Variants in GLIS3 observed in about 807,000 individuals in gnomAD.
The protein encoded by GLIS3 is zinc finger protein GLIS3.
A neutral mutation model predicts 78.6 loss-of-function variants in GLIS3; 53 were observed. That is an observed-to-expected ratio of 0.67 (90% CI 0.54 to 0.85). GLIS3 has a LOEUF of 0.85. GLIS3 is among the 40% of genes least tolerant of loss of function. The pLI is 0.00. For missense variants in GLIS3, 1,703 were observed against 1,231.1 expected (o/e 1.38, Z -5.74); for synonymous variants, 684 against 509.9 (o/e 1.34, Z -4.60).
chr9:4,181,602 A>G (rs1435058936), intron 2 of GLIS3, among the ~76,000 whole-genome samples: 1 of 152,244 alleles, frequency 6.6e-6, no homozygotes, highest in East Asian at 1.9e-4. Flanking sequence ...AGTACTGTAC[A>G]GTCTGCCATG....
rs923941467 is a variant in GLIS3, at chr9:4,119,429, T to A, written c.597-548A>T. Reference sequence around the variant, plus strand: ...CAGGGGACTTAATAATTTCACAATTTAGTTTCACTGATATTAAGGAATTAC... The same window carrying A: ...CAGGGGACTTAATAATTTCACAATTAAGTTTCACTGATATTAAGGAATTAC... On this transcript the variant is annotated intron_variant, in intron 3 of 10. Transcript: ENST00000381971. Among the ~76,000 whole-genome samples the A allele has an allele frequency of 2.0e-5, 3 of 152,228 alleles. No homozygotes were observed. In the East Asian group the frequency reaches 5.8e-4, roughly 29 times the overall value.
chr9:4,406,957 T>C, the GLIS3 span, among the ~76,000 whole-genome samples: 1 of 152,120 alleles, frequency 6.6e-6, no homozygotes, highest in Non-Finnish European at 1.5e-5. Flanking sequence ...AAAATTTATA[T>C]AGAATTACAA....
At chr9:4,457,511 G>T in the GLIS3 span, among the ~76,000 whole-genome samples, 1 of 151,930 alleles carries the variant, frequency 6.6e-6, no homozygotes, top group Non-Finnish European at 1.5e-5. Context: ...GGGTGGGTTT[G>T]GACACATACA....
chr9:4,470,469 T>C, the GLIS3 span, among the ~76,000 whole-genome samples: 4 of 152,224 alleles, frequency 2.6e-5, no homozygotes, highest in African/African-American at 7.2e-5. Flanking sequence ...TCAATAAATG[T>C]AATCCAGCAT....
rs1821110643 is a variant in GLIS3 at position 3,873,659 on chromosome 9, TA to T, written c.2297+5767del. Among the ~76,000 whole-genome samples, 3 of 151,084 alleles carry T rather than the reference TA, an allele frequency of 2.0e-5. No homozygotes were observed. In the South Asian group the frequency reaches 6.3e-4, roughly 32 times the overall value. Reference sequence around the variant, plus strand: ...CCCATAAATTTGCACAAAAATAAAATAAAGATAAAAAATAAAGAAAATAAAG... The same window carrying T: ...CCCATAAATTTGCACAAAAATAAAATAAGATAAAAAATAAAGAAAATAAAG... On this transcript the variant is annotated intron_variant, in intron 8 of 10. Transcript: ENST00000381971.
intron 4 of GLIS3, among the ~76,000 whole-genome samples, chr9:4,065,865 C>A (rs1339290201): frequency 1.3e-5 from 2 of 151,608 alleles, no homozygotes; most frequent in African/African-American, 4.9e-5. Context: ...TTAGAAAGGA[C>A]AAAGGAAATA....
chr9:4,136,475 C>A (rs1586774214), intron 2 of GLIS3, among the ~76,000 whole-genome samples: 1 of 152,302 alleles, frequency 6.6e-6, no homozygotes, highest in Middle Eastern at 3.4e-3. Context: ...TATCTCTTTA[C>A]TGTAAGTCTT....
chr9:3,854,295 C>T (rs934164591), intron 9 of GLIS3, among the ~76,000 whole-genome samples: 7 of 152,176 alleles, frequency 4.6e-5, no homozygotes, highest in African/African-American at 1.4e-4. Context: ...TGAATAAATA[C>T]ATAACTAAAG....
At chr9:4,079,470 G>A (rs4741887) in intron 4 of GLIS3, among the ~76,000 whole-genome samples, 82,277 of 151,944 alleles carry the variant, frequency 0.54, 22,851 homozygotes, top group East Asian at 0.67. Context: ...ACAAGTCTGG[G>A]GCAGTTCATC....
chr9:4,362,455 G>C, the GLIS3 span, among the ~76,000 whole-genome samples: 9 of 152,272 alleles, frequency 5.9e-5, no homozygotes, highest in Non-Finnish European at 1.2e-4. Context: ...TCCCTTTGTA[G>C]TTGATGACCA....
chr9:3,991,508 A>C (rs72685676), intron 4 of GLIS3, among the ~76,000 whole-genome samples: 16 of 152,046 alleles, frequency 1.1e-4, no homozygotes, highest in Non-Finnish European at 2.2e-4. Context: ...GAAAAATTAA[A>C]CACGTCTCGG....
Position 4,070,883 on chromosome 9 carries a change from A to T in GLIS3, c.1710+46885T>A, listed in dbSNP as rs1000852535. 6 of 152,208 alleles carry T rather than the reference A, an allele frequency of 3.9e-5. No individual in the cohort carries two copies. In the South Asian group the frequency reaches 1.2e-3, roughly 32 times the overall value. The allele number at this position is 152,208 out of a possible 1,614,324, so 9.4% of individuals were successfully genotyped here. A position where few individuals can be genotyped will look rare whatever the true frequency, so the allele number is the denominator to read the frequency against. On this transcript the variant is annotated intron_variant, in intron 4 of 10. Coordinates refer to ENST00000381971, the MANE Select transcript of GLIS3 (RefSeq NM_001042413.2). Reference sequence around the variant, plus strand: ...TAGGTAAGACAGAAAAGAGCTTCTCAACACAGTAGCAAAATTAAAGCACCC... The same window carrying T: ...TAGGTAAGACAGAAAAGAGCTTCTCTACACAGTAGCAAAATTAAAGCACCC...
intron 8 of GLIS3, among the ~76,000 whole-genome samples, chr9:3,860,461 T>C (rs150355212): frequency 3.6e-4 from 55 of 152,166 alleles, no homozygotes; most frequent in African/African-American, 1.3e-3. Flanking sequence ...CCTGTTATCA[T>C]TGAACTCCCC....
chr9:4,382,461 TCTC>T, the GLIS3 span, among the ~76,000 whole-genome samples: 3 of 152,190 alleles, frequency 2.0e-5, no homozygotes, highest in Non-Finnish European at 4.4e-5. Flanking sequence ...TCTACAAGAA[TCTC>T]CTCTTCCTGG....
At chr9:3,983,234 TG>T (rs1370215573) in intron 4 of GLIS3, among the ~76,000 whole-genome samples, 1 of 152,244 alleles carries the variant, frequency 6.6e-6, no homozygotes, top group African/African-American at 2.4e-5. Context: ...CTCTCTTCAC[TG>T]CTGCCATCCA....
intron 2 of GLIS3, among the ~76,000 whole-genome samples, chr9:4,161,174 G>C (rs924525707): frequency 6.6e-6 from 1 of 152,032 alleles, no homozygotes; most frequent in Non-Finnish European, 1.5e-5. Context: ...TCAGGAGACA[G>C]AGGCAGGAAG....
At chr9:3,921,619 T>C (rs1332513532) in intron 6 of GLIS3, among the ~76,000 whole-genome samples, 2 of 151,906 alleles carry the variant, frequency 1.3e-5, no homozygotes, top group Admixed American at 6.6e-5. Context: ...GGGAGAAAAA[T>C]CTAAAAATAT....
intron 4 of GLIS3, among the ~76,000 whole-genome samples, chr9:4,022,929 TA>T (rs1481808308): frequency 2.0e-5 from 3 of 152,158 alleles, no homozygotes; most frequent in African/African-American, 7.2e-5. Context: ...GAAGACTGGA[TA>T]AAAAAGAGAC....
At chr9:4,093,448 C>T (rs1254351794) in intron 4 of GLIS3, among the ~76,000 whole-genome samples, 2 of 152,170 alleles carry the variant, frequency 1.3e-5, no homozygotes, top group Non-Finnish European at 2.9e-5. Flanking sequence ...CTTCCTCCCT[C>T]GGGTTGGCAG....
Sources: gnomAD v4.1 joint callset for allele counts (sites outside exome capture counted in the v4.1 genomes callset) on GRCh38, gnomAD v4.1.1 for gene constraint, MANE v1.5 for transcripts, NCBI Gene and HGNC (gene_info 2026-07-23, HGNC 2026-07-21) for gene names.